ADAM23: variants seen among roughly 807,000 people sequenced by gnomAD.
ADAM23 encodes ADAM metallopeptidase domain 23.
ADAM23 carries 33 observed loss-of-function variants against 120.1 expected under a neutral mutation model. That is an observed-to-expected ratio of 0.27 (90% confidence interval 0.21 to 0.37). The LOEUF (loss-of-function observed/expected upper bound fraction) is 0.37. Among genes scored for constraint, ADAM23 ranks in the 10% least tolerant of loss-of-function variants. The pLI is 1.00. For missense variants in ADAM23, 862 were observed against 1,058.2 expected (o/e 0.81, Z 2.57); for synonymous variants, 367 against 375.2 (o/e 0.98, Z 0.25).
At chr2:206,569,059 A>G (rs1697945063) in intron 15 of ADAM23, among the ~76,000 whole-genome samples, 2 of 152,236 alleles carry the variant, frequency 1.3e-5, no homozygotes, top group South Asian at 2.1e-4. Context: ...AGTGTTCAAA[A>G]TGGGTGAAAT....
At chr2:206,560,641 T>C (rs1697744184) in intron 11 of ADAM23, among the ~76,000 whole-genome samples, 1 of 152,174 alleles carries the variant, frequency 6.6e-6, no homozygotes, top group South Asian at 2.1e-4. Flanking sequence ...CTTTTTAATA[T>C]AATAAGCTAT....
At chr2:206,567,167 TCTC>T (rs1697902607) in intron 14 of ADAM23, 53 bp from the exon 15 acceptor site, 1 of 1,363,352 alleles carries the variant, frequency 7.3e-7, no homozygotes, top group African/African-American at 1.4e-5. Flanking sequence ...TTAATTTTCT[TCTC>T]TGATGATTGC....
At chr2:206,563,715 C>A (rs1474540080) in intron 13 of ADAM23, among the ~76,000 whole-genome samples, 1 of 134,162 alleles carries the variant, frequency 7.5e-6, no homozygotes, top group Non-Finnish European at 1.6e-5. Context: ...TCGTTCCCTC[C>A]TTCCTAAAAT....
intron 24 of ADAM23, among the ~76,000 whole-genome samples, chr2:206,599,940 G>C (rs562260575): frequency 6.6e-6 from 1 of 152,164 alleles, no homozygotes; most frequent in African/African-American, 2.4e-5. Context: ...GGTGGCTCAC[G>C]CCTGTAATCC....
chr2:206,534,356 G>A lies in ADAM23; in HGVS notation c.573+3408G>A, dbSNP rs1453052568. Among the ~76,000 whole-genome samples, 11 of 152,240 alleles carry A rather than the reference G, an allele frequency of 7.2e-5. No homozygotes were observed. In the East Asian group the frequency reaches 2.1e-3, roughly 29 times the overall value. Reference sequence around the variant, plus strand: ...TAGAAATTACATATATTTAAGGTATGTAACTTAAATTGTATATATAGGAAT... The same window carrying A: ...TAGAAATTACATATATTTAAGGTATATAACTTAAATTGTATATATAGGAAT... On this transcript the variant is annotated intron_variant, in intron 4 of 25. Transcript: ENST00000264377.
chr2:206,551,478 A>G (rs982661439), intron 9 of ADAM23, among the ~76,000 whole-genome samples: 1 of 152,226 alleles, frequency 6.6e-6, no homozygotes, highest in African/African-American at 2.4e-5. Flanking sequence ...CTTTATATAG[A>G]TGAGAATCTT....
At chr2:206,526,148 A>G (rs1434984902) in intron 3 of ADAM23, among the ~76,000 whole-genome samples, 1 of 75,162 alleles carries the variant, frequency 1.3e-5, no homozygotes, top group African/African-American at 4.7e-5. Context: ...AAATACACAC[A>G]CACACACACA....
chr2:206,525,215 G>A lies in ADAM23; in HGVS notation c.510-5670G>A, dbSNP rs145511090. Among the ~76,000 whole-genome samples the A allele has an allele frequency of 7.9e-3, 1,206 of 152,158 alleles. 7 individuals are homozygous for A. Among genetic ancestry groups the A allele is most frequent in the Admixed American group, 0.011 (167 of 15,272 alleles). ...GACTTTTTTTTACCTAGTTCTGCTG[G>A]TGAAGAAATGCTGTGTGGGCCTCTA... is the stretch of plus-strand genomic sequence containing the variant. On this transcript the variant is annotated intron_variant, in intron 3 of 25. Transcript: ENST00000264377.
rs370122607 is a variant in ADAM23, at chr2:206,589,380, A to C, written c.1853-29A>C. 5 of 1,582,882 alleles carry C rather than the reference A, an allele frequency of 3.2e-6. No individual in the cohort carries two copies. In the South Asian group the frequency reaches 4.6e-5, roughly 14 times the overall value. ...ATGGATAACAAAGAAAATGAAAATT[A>C]ATTTTCTTCTCTTGCCTATCTCCAA... On this transcript the variant is annotated intron_variant, in intron 20 of 25. Transcript: ENST00000264377.
At chr2:206,559,138 G>A (rs989786002) in intron 10 of ADAM23, among the ~76,000 whole-genome samples, 3 of 152,142 alleles carry the variant, frequency 2.0e-5, no homozygotes, top group African/African-American at 7.2e-5. Flanking sequence ...TAGAGACGGG[G>A]TTTCACCGTG....
chr2:206,532,060 G>A (rs1228572066), intron 4 of ADAM23, among the ~76,000 whole-genome samples: 2 of 152,116 alleles, frequency 1.3e-5, no homozygotes, highest in Non-Finnish European at 2.9e-5. Flanking sequence ...CTTGCCTTAG[G>A]TTGCATTTGG....
At chr2:206,478,219 A>G (rs1695823826) in intron 2 of ADAM23, among the ~76,000 whole-genome samples, 2 of 152,192 alleles carry the variant, frequency 1.3e-5, no homozygotes, top group South Asian at 4.1e-4. Context: ...TGTAAGCAAA[A>G]TAACATACAT....
chr2:206,570,949 A>T (rs1369382501), intron 16 of ADAM23, 138 bp downstream of exon 16: 1 of 685,798 alleles, frequency 1.5e-6, no homozygotes, highest in Non-Finnish European at 2.5e-6. Context: ...GCTTAATTCA[A>T]CTCAGACCTG....
At chr2:206,514,914 T>G (rs915190851) in intron 3 of ADAM23, among the ~76,000 whole-genome samples, 3 of 152,232 alleles carry the variant, frequency 2.0e-5, no homozygotes, top group African/African-American at 7.2e-5. Flanking sequence ...GATATAATGC[T>G]ATTACATGCA....
At chr2:206,477,199 TAG>T (rs1695792103) in intron 2 of ADAM23, among the ~76,000 whole-genome samples, 1 of 152,192 alleles carries the variant, frequency 6.6e-6, no homozygotes, top group African/African-American at 2.4e-5. Context: ...AAGAACCCAA[TAG>T]CTTTCTTAAA....
intron 11 of ADAM23, among the ~76,000 whole-genome samples, chr2:206,560,584 C>G (rs1268639413): frequency 1.3e-5 from 2 of 152,124 alleles, no homozygotes; most frequent in African/African-American, 4.8e-5. Flanking sequence ...TTTAGATGAA[C>G]TATTCAGTTG....
chr2:206,550,018 A>G, intron 8 of ADAM23, 77 bp from the exon 9 acceptor site: 2 of 838,892 alleles, frequency 2.4e-6, no homozygotes, highest in East Asian at 2.9e-5. Context: ...TCAAAGTCTT[A>G]TCTACAACTT....
At chr2:206,477,887 A>ATATATATATATAT (rs1285925261) in intron 2 of ADAM23, among the ~76,000 whole-genome samples, 2 of 82,328 alleles carry the variant, frequency 2.4e-5, no homozygotes, top group Non-Finnish European at 2.4e-5. Context: ...TGTTAAAAAA[A>ATATATATATATAT]AAAAAAAAAA....
At chr2:206,450,604 G>A (rs1695173219) in intron 2 of ADAM23, among the ~76,000 whole-genome samples, 1 of 152,132 alleles carries the variant, frequency 6.6e-6, no homozygotes, top group African/African-American at 2.4e-5. Context: ...TGAGTTTTTA[G>A]CACTGCATAA....
Sources: allele counts gnomAD v4.1 joint callset (sites outside exome capture counted in the v4.1 genomes callset), GRCh38; gene constraint gnomAD v4.1.1; transcripts MANE v1.5; gene names NCBI Gene and HGNC (gene_info 2026-07-23, HGNC 2026-07-21).